Variants in EYS observed in about 807,000 individuals in gnomAD.
EYS encodes EGF-like photoreceptor maintenance factor.
In EYS, 250 loss-of-function variants were observed where a neutral mutation model predicts 282.1. The observed-to-expected ratio is 0.89, with a 90% CI of 0.80 to 0.98. The LOEUF (loss-of-function observed/expected upper bound fraction) is 0.98, where lower values mean the gene tolerates loss of function less well. Ranked by LOEUF, EYS falls within the 50% of genes least tolerant of loss-of-function variation. The pLI is 0.00. For missense variants in EYS, 4,016 were observed against 3,709.0 expected, an observed-to-expected ratio of 1.08 and a Z score of -2.15; for synonymous variants, 1,355 against 1,282.9, an observed-to-expected ratio of 1.06 and a Z score of -1.20.
chr6:64,058,925 A>G (rs1478396034), intron 33 of EYS, among the ~76,000 whole-genome samples: 1 of 119,322 alleles, frequency 8.4e-6, no homozygotes, highest in Non-Finnish European at 1.7e-5. Flanking sequence ...GAAAATCTGG[A>G]GTCTTAGCAT....
chr6:64,305,649 A>T (rs568134567), intron 30 of EYS, among the ~76,000 whole-genome samples: 2 of 152,310 alleles, frequency 1.3e-5, no homozygotes, highest in South Asian at 2.1e-4. Context: ...GGTCTTGTGA[A>T]CATATGGTGT....
intron 31 of EYS, among the ~76,000 whole-genome samples, chr6:64,216,285 T>A (rs944897124): frequency 4.6e-5 from 7 of 152,186 alleles, no homozygotes; most frequent in African/African-American, 1.7e-4. Flanking sequence ...AAACAAAGTC[T>A]CTAAATTAGA....
In EYS at chr6:64,569,323, C is replaced by T. The variant is rs1207878935; in HGVS notation, c.5644+20900G>A. On this transcript the variant is annotated intron_variant, in intron 26 of 42. Coordinates refer to ENST00000503581, the MANE Select transcript of EYS (RefSeq NM_001142800.2). ...AATGACCTAATGGAGCTGAAAAACACAGCACAAGAACTTCATGAAGCATAC... is the reference window on the plus strand; with the variant it reads ...AATGACCTAATGGAGCTGAAAAACATAGCACAAGAACTTCATGAAGCATAC... Among the ~76,000 whole-genome samples the T allele has an allele frequency of 2.6e-5, 4 of 151,048 alleles. No homozygotes were observed. In the East Asian group the frequency reaches 5.9e-4, roughly 22 times the overall value.
intron 12 of EYS, among the ~76,000 whole-genome samples, chr6:65,068,400 C>T (rs553939543): frequency 1.3e-5 from 2 of 152,072 alleles, no homozygotes; most frequent in Non-Finnish European, 2.9e-5. Flanking sequence ...CATCACCTAT[C>T]CTTGTTGCCC....
chr6:64,267,585 C>G (rs1289070383), intron 30 of EYS, among the ~76,000 whole-genome samples: 1 of 151,990 alleles, frequency 6.6e-6, no homozygotes, highest in Non-Finnish European at 1.5e-5. Context: ...CATAATGGCA[C>G]AGAAAGACCA....
chr6:64,384,102 A>G (rs935371580), intron 29 of EYS, among the ~76,000 whole-genome samples: 3 of 152,122 alleles, frequency 2.0e-5, no homozygotes, highest in Admixed American at 6.5e-5. Flanking sequence ...ATAGTAATTT[A>G]TTTTGGCTAA....
chr6:65,450,790 C>CAACACCT (rs1764369741), intron 5 of EYS, among the ~76,000 whole-genome samples: 2 of 152,226 alleles, frequency 1.3e-5, no homozygotes, highest in South Asian at 4.1e-4. Context: ...TCTCCACATC[C>CAACACCT]AACACCTAAG....
chr6:64,390,534 G>A (rs543054551), intron 28 of EYS, among the ~76,000 whole-genome samples: 96 of 150,914 alleles, frequency 6.4e-4, no homozygotes, highest in African/African-American at 2.0e-3. Flanking sequence ...CACAGGGCAG[G>A]GTATTCCAAC....
At chr6:65,384,335 C>G in intron 8 of EYS, 51 bp downstream of exon 8, 5 of 948,546 alleles carry the variant, frequency 5.3e-6, no homozygotes, top group Non-Finnish European at 8.6e-6. Context: ...CTAACTGAGT[C>G]TATTGTATTT....
chr6:63,796,114 A>G (rs1040031186), intron 37 of EYS, among the ~76,000 whole-genome samples: 1 of 152,134 alleles, frequency 6.6e-6, no homozygotes, highest in Non-Finnish European at 1.5e-5. Flanking sequence ...TGCTTTGGAG[A>G]GACTTTCGAG....
At chr6:63,969,131 T>C (rs1186450285) in intron 35 of EYS, among the ~76,000 whole-genome samples, 1 of 152,230 alleles carries the variant, frequency 6.6e-6, no homozygotes, top group Non-Finnish European at 1.5e-5. Context: ...ATATGTCATA[T>C]TGTGGTATCC....
At chr6:64,867,759 T>G (rs1766467607) in intron 19 of EYS, among the ~76,000 whole-genome samples, 1 of 151,664 alleles carries the variant, frequency 6.6e-6, no homozygotes, top group African/African-American at 2.4e-5. Flanking sequence ...TTCCAGAAAA[T>G]TCCAAGTCTA....
At chr6:65,595,469 TAA>T (rs200857384) in intron 2 of EYS, among the ~76,000 whole-genome samples, 37 of 147,244 alleles carry the variant, frequency 2.5e-4, no homozygotes, top group Middle Eastern at 3.5e-3. Flanking sequence ...AAAGTATAAT[TAA>T]AAAAAAAAAA....
chr6:64,157,711 G>A (rs567388030), intron 31 of EYS, among the ~76,000 whole-genome samples: 16 of 152,280 alleles, frequency 1.1e-4, no homozygotes, highest in African/African-American at 3.1e-4. Flanking sequence ...TTGAGCCTGC[G>A]AATGCACAGA....
intron 2 of EYS, among the ~76,000 whole-genome samples, chr6:65,577,092 C>A (rs1012428945): frequency 6.6e-6 from 1 of 151,588 alleles, no homozygotes; most frequent in Non-Finnish European, 1.5e-5. Context: ...TGAAAACACA[C>A]ACAAGAAAAC....
intron 19 of EYS, among the ~76,000 whole-genome samples, chr6:64,842,357 T>A (rs1204839469): frequency 6.6e-6 from 1 of 151,556 alleles, no homozygotes; most frequent in Non-Finnish European, 1.5e-5. Flanking sequence ...TGTCTGTGAG[T>A]CCCCACCCGA....
intron 5 of EYS, among the ~76,000 whole-genome samples, chr6:65,408,384 T>C (rs1353605801): frequency 2.6e-5 from 4 of 152,096 alleles, no homozygotes; most frequent in Admixed American, 2.0e-4. Flanking sequence ...TTATCGAGGA[T>C]TGGTACTAAT....
chr6:64,582,920 C>T (rs1297117941), intron 26 of EYS, among the ~76,000 whole-genome samples: 1 of 152,076 alleles, frequency 6.6e-6, no homozygotes, highest in African/African-American at 2.4e-5. Flanking sequence ...TCTTATTGCT[C>T]CTGTGTGTTG....
chr6:64,965,233 T>A (rs754836436), intron 14 of EYS, among the ~76,000 whole-genome samples: 17 of 152,104 alleles, frequency 1.1e-4, no homozygotes, highest in Non-Finnish European at 1.9e-4. Flanking sequence ...TTTGAAATAC[T>A]TTAGCGAACA....
Sources: gnomAD v4.1 joint callset for allele counts (sites outside exome capture counted in the v4.1 genomes callset) on GRCh38, gnomAD v4.1.1 for gene constraint, MANE v1.5 for transcripts, NCBI Gene and HGNC (gene_info 2026-07-23, HGNC 2026-07-21) for gene names.